The following ARHGAP40 variants were observed in gnomAD, a reference collection of about 807,000 sequenced individuals.
ARHGAP40 encodes Rho GTPase activating protein 40.
A neutral mutation model predicts 73.5 loss-of-function variants in ARHGAP40; 43 were observed. The observed-to-expected ratio is 0.58, with a 90% CI of 0.46 to 0.75. The LOEUF (loss-of-function observed/expected upper bound fraction) is 0.75, where lower values mean the gene tolerates loss of function less well. Among genes scored for constraint, ARHGAP40 ranks in the 30% least tolerant of loss-of-function variants. The pLI is 0.00. For synonymous variants in ARHGAP40, 300 were observed against 352.8 expected, an observed-to-expected ratio of 0.85 and a Z score of 1.68; for missense variants, 734 against 861.8, an observed-to-expected ratio of 0.85 and a Z score of 1.86.
rs375237842 is a variant in ARHGAP40, at chr20:38,637,783, C to T, written c.1025C>T (p.Pro342Leu). Residue 342 changes from proline (P) to leucine (L), a missense_variant, in exon 7 of 15, where the codon CCG becomes CTG. Pro to Leu is a moderately conservative substitution (Grantham distance 98). Transcript: ENST00000373345. ...AAAGTCCTCCCCAGCACACAGGTCC[C>T]GCTGGTCCTTCAAGCCGTAAGTCGC... The T allele has an allele frequency of 1.6e-5, 21 of 1,305,100 alleles. No individual in the cohort carries two copies. The Admixed American group carries it at 1.8e-4, about 11-fold the overall frequency. The allele number at this position is 1,305,100 out of a possible 1,614,324, so 80.8% of individuals were successfully genotyped here.
rs1295927658 is a variant in ARHGAP40, at chr20:38,643,851, G to A, written c.1510G>A (p.Ala504Thr). 3 of 1,305,290 alleles carry A rather than the reference G, an allele frequency of 2.3e-6. No individual in the cohort carries two copies. In the East Asian group the frequency reaches 1.7e-4, roughly 72 times the overall value. The allele number at this position is 1,305,290 out of a possible 1,614,324, so 80.9% of individuals were successfully genotyped here. Residue 504 changes from alanine (A) to threonine (T), a missense_variant, in exon 11 of 15, where the codon GCA becomes ACA. Transcript: ENST00000373345. ...CCCCAAAGGCAAGGAGAAGCAGCTGGCAGAAGGGGCAGCCGAGGTGGTGCA... is the reference window on the plus strand; with the variant it reads ...CCCCAAAGGCAAGGAGAAGCAGCTGACAGAAGGGGCAGCCGAGGTGGTGCA...
chr20:38,625,442 G>T (rs1208524285), intron 2 of ARHGAP40, among the ~76,000 whole-genome samples: 1 of 151,334 alleles, frequency 6.6e-6, no homozygotes, highest in Non-Finnish European at 1.5e-5. Flanking sequence ...TTTTTGAAAC[G>T]GAGTTTCACT....
intron 10 of ARHGAP40, 49 bp downstream of exon 10, chr20:38,641,857 C>G: frequency 8.3e-7 from 1 of 1,211,088 alleles, no homozygotes; most frequent in Non-Finnish European, 1.1e-6. Flanking sequence ...AGCCCACAGC[C>G]ACAGCCATGG....
intron 5 of ARHGAP40, among the ~76,000 whole-genome samples, chr20:38,633,756 T>G (rs903737395): frequency 6.6e-6 from 1 of 152,230 alleles, no homozygotes; most frequent in Non-Finnish European, 1.5e-5. Context: ...TTGCCTTCTC[T>G]GACCTTGGGC....
At chr20:38,650,140 G>GCTTTACATGTTGA in exon 15 of ARHGAP40, 2 of 363,954 alleles carry the variant, frequency 5.5e-6, no homozygotes, top group African/African-American at 4.3e-5. Flanking sequence ...CAGCTCTCAT[G>GCTTTACATGTTGA]TTTTAACCGT....
chr20:38,646,085 C>A lies in ARHGAP40; in HGVS notation c.1608C>A (p.Asn536Lys), dbSNP rs1178351908. 1.5e-6 allele frequency: 2 copies of A among 1,304,252 alleles called. No homozygotes were observed. Among genetic ancestry groups the A allele is most frequent in the Non-Finnish European group, 2.0e-6 (2 of 988,866 alleles). The allele number at this position is 1,304,252 out of a possible 1,614,324, so 80.8% of individuals were successfully genotyped here. The stretch of plus-strand genomic sequence containing the variant: ...TGGTCGCCCAGGTGCGAAAACTGAA[C>A]GACAGTAGCAGCAGGCGCCCCCAGC... Residue 536 changes from asparagine to lysine, a missense_variant, in exon 12 of 15, where the codon AAC (asparagine) becomes AAA (lysine). Physicochemically the swap from Asn to Lys is moderately conservative, Grantham distance 94. Transcript: ENST00000373345. This position sits in a 1 kb window ranked among gnomAD's most constrained non-coding sequence, Gnocchi z 4.5.
intron 5 of ARHGAP40, 76 bp from the exon 6 acceptor site, chr20:38,634,544 G>A: frequency 6.4e-6 from 8 of 1,245,152 alleles, no homozygotes; most frequent in Non-Finnish European, 8.6e-6. Flanking sequence ...AATGCCCTGG[G>A]GAGAAGGGGG....
chr20:38,642,334 A>G (rs1277262784), intron 10 of ARHGAP40, among the ~76,000 whole-genome samples: 1 of 152,200 alleles, frequency 6.6e-6, no homozygotes, highest in Non-Finnish European at 1.5e-5. Context: ...GCCTTGGCCC[A>G]GCTCCCTGTA....
At chr20:38,637,509 A>G (rs182887981) in intron 6 of ARHGAP40, among the ~76,000 whole-genome samples, 199 bp from the exon 7 acceptor site, 2 of 152,188 alleles carry the variant, frequency 1.3e-5, no homozygotes, top group African/African-American at 4.8e-5. Flanking sequence ...CCTCAGCAGT[A>G]ATGTTTTAAT....
intron 10 of ARHGAP40, among the ~76,000 whole-genome samples, chr20:38,642,204 A>G (rs2089023071): frequency 1.3e-5 from 2 of 152,244 alleles, no homozygotes; most frequent in Non-Finnish European, 2.9e-5. Flanking sequence ...CTCCAAACTC[A>G]GTTGATCACA....
chr20:38,630,645 G>C (rs1167321049), intron 5 of ARHGAP40, among the ~76,000 whole-genome samples: 1 of 152,110 alleles, frequency 6.6e-6, no homozygotes, highest in African/African-American at 2.4e-5. Flanking sequence ...ATATTTACCA[G>C]GTACAGCTTG....
intron 5 of ARHGAP40, among the ~76,000 whole-genome samples, chr20:38,633,736 G>C (rs2088955920): frequency 1.3e-5 from 2 of 152,206 alleles, no homozygotes; most frequent in Non-Finnish European, 2.9e-5. Flanking sequence ...AGCAAGCCTG[G>C]CCCTCCCGCT....
Position 38,630,591 on chromosome 20 carries a change from T to C in ARHGAP40, c.783+941T>C, listed in dbSNP as rs2088932480. Among the ~76,000 whole-genome samples, 5 of 152,110 alleles carry C rather than the reference T, an allele frequency of 3.3e-5. 1 individual carries two copies. The South Asian group carries it at 1.0e-3, about 32-fold the overall frequency. On this transcript the variant is annotated intron_variant, in intron 5 of 14. Transcript: ENST00000373345. ...CAAATAGGATGTAATCATTGATAGT[T>C]AGGTTTTTAAAGATTGAACTATAAC...
rs530239883 is a variant in ARHGAP40 at position 38,602,019 on chromosome 20, G to A, written c.77G>A (p.Arg26Gln). ...GGGCCCCTAGCCTCACCGTGTCCTC[G>A]GATCCCGCGGGCCCGCATTGCCAGG... Residue 26 changes from arginine (R) to glutamine (Q), a missense_variant, in exon 1 of 15, where the codon CGG (arginine) becomes CAG (glutamine). Physicochemically the swap from Arg to Gln is conservative, Grantham distance 43. Transcript: ENST00000373345. 425 of 1,287,528 alleles carry A rather than the reference G, an allele frequency of 3.3e-4. No homozygotes were observed. In the African/African-American group the frequency reaches 5.9e-3, roughly 18 times the overall value. 79.8% of individuals were successfully genotyped at this position (1,287,528 alleles called of 1,614,324 possible). A position where few individuals can be genotyped will look rare whatever the true frequency, so the allele number is the denominator to read the frequency against.
At chr20:38,607,525 G>A (rs1787179710) in intron 1 of ARHGAP40, among the ~76,000 whole-genome samples, 2 of 152,172 alleles carry the variant, frequency 1.3e-5, no homozygotes, top group Non-Finnish European at 2.9e-5. Flanking sequence ...AGGTCCCTTC[G>A]GATGGAGCTT....
intron 3 of ARHGAP40, 127 bp from the exon 4 acceptor site, chr20:38,628,800 C>A: frequency 1.6e-6 from 1 of 608,318 alleles, no homozygotes; most frequent in Non-Finnish European, 2.5e-6. Context: ...GCAAGTAACT[C>A]AGCCTCTCTG....
intron 8 of ARHGAP40, 77 bp downstream of exon 8, chr20:38,638,915 C>T: frequency 8.2e-7 from 1 of 1,214,996 alleles, no homozygotes; most frequent in Non-Finnish European, 1.1e-6. Flanking sequence ...GGGAGGGAAA[C>T]CAGTCCCTGA....
chr20:38,626,313 C>T (rs187752039), intron 2 of ARHGAP40, among the ~76,000 whole-genome samples: 4 of 152,302 alleles, frequency 2.6e-5, no homozygotes, highest in African/African-American at 9.6e-5. Context: ...TCCATTTCCC[C>T]CATGATAAGG....
At chr20:38,629,036 T>A in intron 4 of ARHGAP40, 34 bp downstream of exon 4, 1 of 1,279,754 alleles carries the variant, frequency 7.8e-7, no homozygotes, top group South Asian at 1.3e-5. Context: ...GCCCTGAGAA[T>A]CCTCCAGGCT....
Sources: allele counts gnomAD v4.1 joint callset (sites outside exome capture counted in the v4.1 genomes callset), GRCh38; gene constraint gnomAD v4.1.1; non-coding constraint Gnocchi (gnomAD v3.1); transcripts MANE v1.5; gene names NCBI Gene and HGNC (gene_info 2026-07-23, HGNC 2026-07-21).